SLIT3: variants seen among roughly 807,000 people sequenced by gnomAD.
SLIT3 encodes the protein slit guidance ligand 3.
In SLIT3, 68 loss-of-function variants were observed where a neutral mutation model predicts 184.0. The ratio of observed to expected loss-of-function variants is 0.37; its 90% CI spans 0.30 to 0.45. SLIT3 has a LOEUF of 0.45. SLIT3 is among the 20% of genes least tolerant of loss of function. SLIT3 has a pLI of 1.00. For missense variants in SLIT3, 1,707 were observed against 2,026.0 expected, an observed-to-expected ratio of 0.84 and a Z score of 3.02; for synonymous variants, 831 against 828.6, an observed-to-expected ratio of 1.00 and a Z score of -0.05.
chr5:169,101,080 A>G (rs1759992993), intron 4 of SLIT3, among the ~76,000 whole-genome samples: 1 of 152,104 alleles, frequency 6.6e-6, no homozygotes, highest in South Asian at 2.1e-4. Context: ...AGCATATTTC[A>G]TTTTGTCCTG....
intron 4 of SLIT3, among the ~76,000 whole-genome samples, chr5:169,063,092 A>C (rs999694626): frequency 1.3e-5 from 2 of 152,212 alleles, no homozygotes; most frequent in African/African-American, 4.8e-5. Flanking sequence ...CGAAGCTTGG[A>C]TAAATTAGCA....
chr5:168,882,401 C>A (rs571134565), intron 5 of SLIT3, among the ~76,000 whole-genome samples: 1 of 152,254 alleles, frequency 6.6e-6, no homozygotes, highest in East Asian at 1.9e-4. Flanking sequence ...GGTAGGAAAT[C>A]GTCAAAGTTC....
At chr5:169,288,240 CAG>C (rs1379864109) in intron 1 of SLIT3, among the ~76,000 whole-genome samples, 1 of 152,150 alleles carries the variant, frequency 6.6e-6, no homozygotes, top group Non-Finnish European at 1.5e-5. Flanking sequence ...GTGTTCTACA[CAG>C]AGTTAGAACT....
intron 4 of SLIT3, among the ~76,000 whole-genome samples, chr5:169,100,538 G>C (rs1344019261): frequency 1.3e-5 from 2 of 152,204 alleles, no homozygotes; most frequent in Non-Finnish European, 2.9e-5. Context: ...TGTCACTTAG[G>C]CTCAGGAGAG....
chr5:169,034,261 T>G (rs1757147885), intron 4 of SLIT3, among the ~76,000 whole-genome samples: 1 of 152,250 alleles, frequency 6.6e-6, no homozygotes, highest in East Asian at 1.9e-4. Context: ...TGCTCTCATT[T>G]ATTTGCTTTT....
chr5:169,149,913 C>T (rs1268116860), intron 4 of SLIT3, among the ~76,000 whole-genome samples: 10 of 152,166 alleles, frequency 6.6e-5, no homozygotes, highest in African/African-American at 2.4e-4. Flanking sequence ...AGGAACTATG[C>T]CAAGTACTAT....
chr5:168,796,898 C>T (rs1213506495), intron 9 of SLIT3, among the ~76,000 whole-genome samples: 1 of 151,834 alleles, frequency 6.6e-6, no homozygotes, highest in Non-Finnish European at 1.5e-5. Context: ...AGACAAATCA[C>T]TCTCCAGGCA....
intron 4 of SLIT3, among the ~76,000 whole-genome samples, chr5:169,081,325 A>G (rs1440921647): frequency 6.6e-6 from 1 of 152,200 alleles, no homozygotes; most frequent in African/African-American, 2.4e-5. Flanking sequence ...CAGTGCAGCC[A>G]GCGGGGCAGC....
chr5:168,801,129 G>T (rs934032580), intron 9 of SLIT3, among the ~76,000 whole-genome samples: 1 of 151,768 alleles, frequency 6.6e-6, no homozygotes, highest in African/African-American at 2.4e-5. Flanking sequence ...TCTGTTCCCA[G>T]TCACTCTGTC....
At chr5:169,167,786 G>A (rs768112342) in intron 4 of SLIT3, among the ~76,000 whole-genome samples, 6 of 151,912 alleles carry the variant, frequency 3.9e-5, no homozygotes, top group East Asian at 1.9e-4. Context: ...CCTCTGCCCC[G>A]CCCACCTGCC....
intron 3 of SLIT3, among the ~76,000 whole-genome samples, chr5:169,215,646 C>CTGCTGCT (rs1449758586): frequency 2.6e-5 from 4 of 152,204 alleles, no homozygotes; most frequent in Admixed American, 2.6e-4. Context: ...TGGCCCATGG[C>CTGCTGCT]TGCTGCTTGC....
chr5:169,288,750 C>T (rs985050136), intron 1 of SLIT3, among the ~76,000 whole-genome samples: 1 of 152,170 alleles, frequency 6.6e-6, no homozygotes, highest in African/African-American at 2.4e-5. Context: ...ATTACCCAGT[C>T]CTCTAAACTC....
chr5:168,872,813 C>T (rs1029944854), intron 5 of SLIT3, among the ~76,000 whole-genome samples: 21 of 151,582 alleles, frequency 1.4e-4, no homozygotes, highest in Non-Finnish European at 2.2e-4. Context: ...GCTAATTTTT[C>T]GTATTTTTAG....
chr5:169,012,560 T>C (rs1426083443), intron 4 of SLIT3: 1 of 152,194 alleles, frequency 6.6e-6, no homozygotes, highest in Non-Finnish European at 1.5e-5. Context: ...TAGAATCAAA[T>C]AAAGAAAAGA....
intron 3 of SLIT3, among the ~76,000 whole-genome samples, chr5:169,222,401 G>A (rs767050657): frequency 2.0e-5 from 3 of 152,102 alleles, no homozygotes; most frequent in Non-Finnish European, 4.4e-5. Flanking sequence ...ACTCCATTGT[G>A]TCTTTATATT....
intron 6 of SLIT3, among the ~76,000 whole-genome samples, chr5:168,840,509 G>A (rs1056752542): frequency 6.7e-6 from 1 of 150,082 alleles, no homozygotes. Context: ...CTGGTGAAAT[G>A]CCTGGCCATC....
intron 4 of SLIT3, among the ~76,000 whole-genome samples, chr5:169,156,784 C>CACATCACACTGAG (rs1201886132): frequency 1.3e-5 from 2 of 152,154 alleles, no homozygotes; most frequent in African/African-American, 4.8e-5. Context: ...TGTGCTTTTG[C>CACATCACACTGAG]TTATTCATCA....
chr5:168,750,485 T>C (rs140962397), intron 18 of SLIT3, among the ~76,000 whole-genome samples: 1,885 of 152,314 alleles, frequency 0.012, 39 homozygotes, highest in African/African-American at 0.043. Flanking sequence ...GATACAGCAA[T>C]GAAGGGCTTG....
At position 168,665,982 on chromosome 5, in the gene SLIT3, T is replaced by G. The variant is rs1274042765; in HGVS notation, c.*472A>C. On this transcript the variant is annotated 3_prime_UTR_variant, in exon 36 of 36. Coordinates refer to ENST00000519560, the MANE Select transcript of SLIT3 (RefSeq NM_003062.4). Reference sequence around the variant, plus strand: ...AAGGTCTTTTCCTTCTCTCTCTTCCTCTTATTCCTTTTTCTGATCTCAATG... The same window carrying G: ...AAGGTCTTTTCCTTCTCTCTCTTCCGCTTATTCCTTTTTCTGATCTCAATG... 1 of 152,380 alleles carries G rather than the reference T, an allele frequency of 6.6e-6. No individual in the cohort carries two copies. Among genetic ancestry groups the G allele is most frequent in the Non-Finnish European group, 1.5e-5 (1 of 68,160 alleles). 9.4% of individuals were successfully genotyped at this position (152,380 alleles called of 1,614,324 possible). A position where few individuals can be genotyped will look rare whatever the true frequency, so the allele number is the denominator to read the frequency against.
Sources: gnomAD v4.1 joint callset for allele counts (sites outside exome capture counted in the v4.1 genomes callset) on GRCh38, gnomAD v4.1.1 for gene constraint, MANE v1.5 for transcripts, NCBI Gene and HGNC (gene_info 2026-07-23, HGNC 2026-07-21) for gene names.